TPO: variants seen among roughly 807,000 people sequenced by gnomAD.
TPO encodes the protein thyroid peroxidase, also known as thyroid microsomal antigen.
Under a neutral mutation model 96.9 loss-of-function variants are expected in TPO, and 78 were observed. The observed-to-expected ratio is 0.81, with a 90% CI of 0.67 to 0.97. The LOEUF (loss-of-function observed/expected upper bound fraction) is 0.97, where lower values mean the gene tolerates loss of function less well. Ranked by LOEUF, TPO falls within the 50% of genes least tolerant of loss-of-function variation. The probability of loss-of-function intolerance (pLI) is 0.00; values close to 1 mark genes in which losing one functional copy is unlikely to be tolerated. For synonymous variants in TPO, 547 were observed against 538.0 expected (o/e 1.02, Z -0.23); for missense variants, 1,252 against 1,274.8 (o/e 0.98, Z 0.27).
At chr2:1,412,308 C>T (rs980086474), upstream of TPO, among the ~76,000 whole-genome samples, 5 of 152,162 alleles carry the variant, frequency 3.3e-5, no homozygotes, top group Non-Finnish European at 7.3e-5. Flanking sequence ...TTCTTCTGTT[C>T]CCAACAGTAA....
In TPO at chr2:1,469,713, C is replaced by G. The variant is rs72776231; in HGVS notation, c.820-7373C>G. On this transcript the variant is annotated intron_variant, in intron 7 of 16. Coordinates refer to ENST00000329066, the MANE Select transcript of TPO (RefSeq NM_001206744.2). ...ACTCAGCTCCGGGTAAAGTCAGAAT[C>G]TTCTCCCGTAATCTAGACCTTCAGG... Among the ~76,000 whole-genome samples the G allele has an allele frequency of 5.1e-3, 779 of 152,274 alleles. 4 individuals are homozygous for G. The highest frequency in any genetic ancestry group is 0.01 in the Middle Eastern group (3 of 294).
chr2:1,454,274 G>A (rs1468458434), intron 6 of TPO, among the ~76,000 whole-genome samples: 1 of 152,118 alleles, frequency 6.6e-6, no homozygotes, highest in African/African-American at 2.4e-5. Context: ...CAAAAAATGG[G>A]TCATTTTGCC....
intron 10 of TPO, among the ~76,000 whole-genome samples, chr2:1,490,093 A>C: frequency 2.8e-5 from 2 of 71,218 alleles, no homozygotes; most frequent in African/African-American, 1.7e-4. Context: ...GGGAGTCACG[A>C]CACAGCAGTG....
chr2:1,414,256 C>T (rs1662649422), intron 1 of TPO, 152 bp from the exon 2 acceptor site: 13 of 740,888 alleles, frequency 1.8e-5, no homozygotes, highest in Admixed American at 6.2e-5. Context: ...ACTCTGGTCT[C>T]GCAGACCCCA....
chr2:1,379,809 C>T (rs1259510181), intron 1 of TPO, among the ~76,000 whole-genome samples: 2 of 152,206 alleles, frequency 1.3e-5, no homozygotes, highest in East Asian at 3.9e-4. Context: ...TTTCTTAACT[C>T]AACCTAAAGA....
chr2:1,486,364 A>G (rs1671163694), intron 9 of TPO, among the ~76,000 whole-genome samples: 1 of 152,076 alleles, frequency 6.6e-6, no homozygotes, highest in Admixed American at 6.5e-5. Flanking sequence ...TCTACTAAAA[A>G]TACAAAATAA....
chr2:1,495,914 G>A, intron 11 of TPO, 75 bp from the exon 12 acceptor site: 3 of 1,489,258 alleles, frequency 2.0e-6, no homozygotes, highest in Non-Finnish European at 2.8e-6. Context: ...CACAGCTGTG[G>A]GCAGCTGGTC....
chr2:1,496,269 G>A, intron 12 of TPO, 72 bp downstream of exon 12: 1 of 1,539,228 alleles, frequency 6.5e-7, no homozygotes, highest in Non-Finnish European at 8.9e-7. Flanking sequence ...TCTTCCCCAG[G>A]AGCTGATTTT....
At chr2:1,453,669 C>G in intron 5 of TPO, 25 bp from the exon 6 acceptor site, 1 of 1,613,904 alleles carries the variant, frequency 6.2e-7, no homozygotes, top group Non-Finnish European at 8.5e-7. Context: ...CCATCTCAAA[C>G]ACATCCTTGC....
intron 14 of TPO, among the ~76,000 whole-genome samples, chr2:1,515,232 T>C (rs1674561289): frequency 6.6e-6 from 1 of 151,608 alleles, no homozygotes; most frequent in South Asian, 2.1e-4. Flanking sequence ...GCCATGGGGG[T>C]GAGAGCGAGT....
At chr2:1,438,708 C>A in intron 5 of TPO, 1 of 659,186 alleles carries the variant, frequency 1.5e-6, no homozygotes, top group South Asian at 1.7e-5. Context: ...AATCCCTGAG[C>A]AAAGCCAGTA....
intron 7 of TPO, among the ~76,000 whole-genome samples, chr2:1,466,340 T>C (rs1276927932): frequency 6.6e-6 from 1 of 152,156 alleles, no homozygotes; most frequent in Non-Finnish European, 1.5e-5. Flanking sequence ...GGGTTATTGG[T>C]CCGTAGTTTT....
At chr2:1,421,156 G>C (rs1364084300) in intron 2 of TPO, among the ~76,000 whole-genome samples, 1 of 152,174 alleles carries the variant, frequency 6.6e-6, no homozygotes, top group Non-Finnish European at 1.5e-5. Flanking sequence ...CTGAGAGAGA[G>C]AGTGGCCAGA....
chr2:1,416,356 G>C (rs893889767), intron 2 of TPO, among the ~76,000 whole-genome samples: 7 of 152,180 alleles, frequency 4.6e-5, no homozygotes, highest in African/African-American at 9.7e-5. Context: ...TATAAAACCA[G>C]AGTAAAACAT....
intron 4 of TPO, among the ~76,000 whole-genome samples, chr2:1,434,160 C>G (rs1665317186): frequency 6.6e-6 from 1 of 152,204 alleles, no homozygotes; most frequent in African/African-American, 2.4e-5. Flanking sequence ...ATTTCTTCAG[C>G]TCTAAAGCAC....
chr2:1,411,338 C>T (rs969098728), upstream of TPO, among the ~76,000 whole-genome samples: 9 of 152,156 alleles, frequency 5.9e-5, no homozygotes, highest in African/African-American at 1.4e-4. Context: ...GGCTACAAAA[C>T]GACCTGGAGA....
intron 2 of TPO, among the ~76,000 whole-genome samples, chr2:1,422,492 G>A (rs527444011): frequency 2.0e-5 from 3 of 149,136 alleles, no homozygotes; most frequent in South Asian, 4.4e-4. Flanking sequence ...ATGCTACGCA[G>A]GTGAATTTAG....
intron 1 of TPO, among the ~76,000 whole-genome samples, chr2:1,393,985 C>T (rs1662042972): frequency 6.6e-6 from 1 of 152,162 alleles, no homozygotes; most frequent in African/African-American, 2.4e-5. Context: ...GTGTCAAGGG[C>T]GCTTTAGTAA....
intron 16 of TPO, chr2:1,541,380 T>G (rs28915680): frequency 0.098 from 20,071 of 204,470 alleles, 1,764 homozygotes; most frequent in African/African-American, 0.25. Flanking sequence ...TTTTTTGAGA[T>G]AGAGTCTTGC....
Sources: gnomAD v4.1 joint callset for allele counts (sites outside exome capture counted in the v4.1 genomes callset) on GRCh38, gnomAD v4.1.1 for gene constraint, MANE v1.5 for transcripts, NCBI Gene and HGNC (gene_info 2026-07-23, HGNC 2026-07-21) for gene names.